Variants in CELF2 observed in about 807,000 individuals in gnomAD.
CELF2 encodes the protein CUG triplet repeat RNA-binding protein 2.
Under a neutral mutation model 62.6 loss-of-function variants are expected in CELF2, and 8 were observed. That is an observed-to-expected ratio of 0.13 (90% CI 0.07 to 0.23). CELF2 has a LOEUF of 0.23. Among genes scored for constraint, CELF2 ranks in the 10% least tolerant of loss-of-function variants. The probability of loss-of-function intolerance (pLI) is 1.00; values close to 1 mark genes in which losing one functional copy is unlikely to be tolerated. For missense variants in CELF2, 333 were observed against 671.0 expected (o/e 0.50, Z 5.56); for synonymous variants, 258 against 250.0 (o/e 1.03, Z -0.30).
intron 1 of CELF2, among the ~76,000 whole-genome samples, chr10:11,140,069 C>T (rs1165852576): frequency 6.6e-6 from 1 of 152,088 alleles, no homozygotes; most frequent in African/African-American, 2.4e-5. Context: ...AGATGGTGAG[C>T]CAACTTTTAT....
chr10:10,606,561 T>C, the CELF2 span, among the ~76,000 whole-genome samples: 17 of 152,304 alleles, frequency 1.1e-4, no homozygotes, highest in African/African-American at 3.8e-4. Flanking sequence ...AAGTTACCAG[T>C]AGCTGTTATG....
the CELF2 span, among the ~76,000 whole-genome samples, chr10:10,532,766 CT>C: frequency 1.3e-5 from 2 of 151,784 alleles, no homozygotes; most frequent in Non-Finnish European, 2.9e-5. Context: ...AATTTATTCA[CT>C]AGAGACCAGG....
At chr10:11,274,888 TTGGACATGAATA>T (rs1329282360) in intron 7 of CELF2, among the ~76,000 whole-genome samples, 157 bp from the exon 8 acceptor site, 1 of 152,202 alleles carries the variant, frequency 6.6e-6, no homozygotes. Flanking sequence ...TTAATAGAGA[TTGGACATGAATA>T]TGGATTTACA....
chr10:11,260,851 T>C lies in CELF2; in HGVS notation c.538+2979T>C, dbSNP rs1470704045. 6.6e-6 allele frequency among the ~76,000 whole-genome samples: 1 copy of C among 152,230 alleles called. No homozygotes were observed. The highest frequency in any genetic ancestry group is 1.5e-5 in the Non-Finnish European group (1 of 68,034). ...ACAGGGGCCTGCTCCTGAATCAGTG[T>C]ATTTGTTAAAAGCACAATTCTCTTT... On this transcript the variant is annotated intron_variant, in intron 5 of 12. Coordinates refer to ENST00000633077, the MANE Select transcript of CELF2 (RefSeq NM_001326342.2). The surrounding 1 kb of genome is among the most constrained non-coding windows in gnomAD (Gnocchi z 4.2).
At chr10:10,489,829 T>A in the CELF2 span, among the ~76,000 whole-genome samples, 3 of 152,008 alleles carry the variant, frequency 2.0e-5, no homozygotes, top group Non-Finnish European at 4.4e-5. Flanking sequence ...AACAACCTCA[T>A]GAACTCTAGA....
chr10:10,631,863 G>A, the CELF2 span, among the ~76,000 whole-genome samples: 1 of 152,170 alleles, frequency 6.6e-6, no homozygotes, highest in East Asian at 1.9e-4. Flanking sequence ...GGTGCAGGGA[G>A]GGCAATTTAC....
chr10:11,057,652 TC>T (rs959846592), intron 1 of CELF2, among the ~76,000 whole-genome samples: 3 of 152,088 alleles, frequency 2.0e-5, no homozygotes, highest in Non-Finnish European at 4.4e-5. Flanking sequence ...TCTCTTTTTT[TC>T]CCCCCGATGA....
intron 1 of CELF2, among the ~76,000 whole-genome samples, chr10:11,006,545 G>A (rs1006218916): frequency 1.3e-5 from 2 of 152,204 alleles, no homozygotes; most frequent in African/African-American, 2.4e-5. Context: ...TTTAAAGCTT[G>A]GGGATTTTTA....
chr10:10,543,148 C>T, the CELF2 span, among the ~76,000 whole-genome samples: 2 of 152,160 alleles, frequency 1.3e-5, no homozygotes, highest in Non-Finnish European at 2.9e-5. Flanking sequence ...TGGTGCTGAT[C>T]TCTCCTATAC....
chr10:11,272,676 T>C (rs2138718343), intron 7 of CELF2, among the ~76,000 whole-genome samples: 1 of 152,360 alleles, frequency 6.6e-6, no homozygotes, highest in African/African-American at 2.4e-5. Flanking sequence ...CGTTTCCCTC[T>C]GCCATGGGTG....
At chr10:10,700,656 T>A in the CELF2 span, among the ~76,000 whole-genome samples, 2 of 152,318 alleles carry the variant, frequency 1.3e-5, no homozygotes, top group Admixed American at 6.5e-5. Flanking sequence ...CTCCTATGTA[T>A]CTCCTAGTGA....
intron 1 of CELF2, among the ~76,000 whole-genome samples, chr10:11,161,096 C>G (rs1195967718): frequency 1.3e-5 from 2 of 152,168 alleles, no homozygotes; most frequent in Non-Finnish European, 2.9e-5. Flanking sequence ...CTCTGTTGAT[C>G]TAGTTATTTT....
chr10:11,262,940 C>CTTTTTTTTTT lies in CELF2; in HGVS notation c.539-3640_539-3631dup. Among the ~76,000 whole-genome samples the CTTTTTTTTTT allele has an allele frequency of 2.1e-3, 112 of 52,760 alleles. 27 individuals carry two copies. Among genetic ancestry groups the CTTTTTTTTTT allele is most frequent in the Non-Finnish European group, 2.3e-3 (70 of 30,340 alleles). 34.6% of individuals were successfully genotyped at this position (52,760 alleles called of 152,430 possible). ...GTTCATGCTTTTAAAAGTGGCTTTA[C>CTTTTTTTTTT]TTTTTTTTTTTTTTTTTTTTTTTTT... On this transcript the variant is annotated intron_variant, in intron 5 of 12. Coordinates refer to ENST00000633077, the MANE Select transcript of CELF2 (RefSeq NM_001326342.2).
At chr10:10,616,698 G>C in the CELF2 span, among the ~76,000 whole-genome samples, 1 of 120,400 alleles carries the variant, frequency 8.3e-6, no homozygotes, top group Non-Finnish European at 1.9e-5. Flanking sequence ...GTGCGTGTGT[G>C]TGTGTGTGTG....
Position 11,075,159 on chromosome 10 carries a change from T to C in CELF2, c.74+56996T>C, listed in dbSNP as rs1278997035. ...TCCCTTGTCAAGTGTGGCTTGATTG[T>C]CTTCCTCTTCCTTGGCTGGCTGAGT... On this transcript the variant is annotated intron_variant, in intron 1 of 12. Transcript: ENST00000633077. This position sits in a 1 kb window ranked among gnomAD's most constrained non-coding sequence, Gnocchi z 5.4. 1 of 152,394 alleles carries C rather than the reference T, an allele frequency of 6.6e-6. No individual in the cohort carries two copies. Among genetic ancestry groups the C allele is most frequent in the Non-Finnish European group, 1.5e-5 (1 of 68,208 alleles). 9.4% of individuals were successfully genotyped at this position (152,394 alleles called of 1,614,324 possible). A position where few individuals can be genotyped will look rare whatever the true frequency, so the allele number is the denominator to read the frequency against.
chr10:10,799,027 G>C (rs751820617), intron 1 of CELF2, among the ~76,000 whole-genome samples: 2 of 152,178 alleles, frequency 1.3e-5, no homozygotes, highest in East Asian at 1.9e-4. Context: ...TTCACCCCAG[G>C]GGGGAGGTCG....
the CELF2 span, among the ~76,000 whole-genome samples, chr10:10,716,046 CA>C: frequency 6.6e-6 from 1 of 152,078 alleles, no homozygotes; most frequent in Non-Finnish European, 1.5e-5. Flanking sequence ...ATTTGAACAT[CA>C]ATGGAAACAA....
At chr10:11,058,461 GTTTTTTTTT>G (rs67113152) in intron 1 of CELF2, among the ~76,000 whole-genome samples, 3 of 116,806 alleles carry the variant, frequency 2.6e-5, no homozygotes, top group African/African-American at 6.4e-5. Context: ...TTTTTTGTTG[GTTTTTTTTT>G]TTTTTTTTTT....
chr10:10,708,942 A>G, the CELF2 span, among the ~76,000 whole-genome samples: 1 of 152,184 alleles, frequency 6.6e-6, no homozygotes, highest in Non-Finnish European at 1.5e-5. Flanking sequence ...AGAAAAATGA[A>G]TGCGTCATTA....
Sources: allele counts gnomAD v4.1 joint callset (sites outside exome capture counted in the v4.1 genomes callset), GRCh38; gene constraint gnomAD v4.1.1; non-coding constraint Gnocchi (gnomAD v3.1); transcripts MANE v1.5; gene names NCBI Gene and HGNC (gene_info 2026-07-23, HGNC 2026-07-21).